Variants in ERCC6L2 observed in about 807,000 individuals in gnomAD.
ERCC6L2 encodes the protein ERCC excision repair 6 like 2.
Under a neutral mutation model 132.0 loss-of-function variants are expected in ERCC6L2, and 77 were observed. The ratio of observed to expected loss-of-function variants is 0.58; its 90% confidence interval spans 0.49 to 0.71. The LOEUF is 0.71. Among genes scored for constraint, ERCC6L2 ranks in the 30% least tolerant of loss-of-function variants. The pLI is 0.00. For missense variants in ERCC6L2, 1,542 were observed against 1,837.6 expected (o/e 0.84, Z 2.94); for synonymous variants, 583 against 632.4 (o/e 0.92, Z 1.17).
rs773483467 is a variant in ERCC6L2 at position 96,004,569 on chromosome 9, G to A, written c.3542G>A (p.Gly1181Asp). 7.6e-7 allele frequency: 1 copy of A among 1,310,172 alleles called. No individual in the cohort carries two copies. Among genetic ancestry groups the A allele is most frequent in the South Asian group, 1.2e-5 (1 of 81,270 alleles). The allele number at this position is 1,310,172 out of a possible 1,614,324, so 81.2% of individuals were successfully genotyped here. A position where few individuals can be genotyped will look rare whatever the true frequency, so the allele number is the denominator to read the frequency against. Residue 1181 changes from glycine to aspartate, a missense_variant, in exon 18 of 19, where the codon GGC becomes GAC. By Grantham distance (94) the Gly-to-Asp change is moderately conservative. Around this residue, in one of 4 missense-constraint regions of ERCC6L2, gnomAD observed 442 missense variants for 583.4 expected, o/e 0.76. Coordinates refer to ENST00000653738, the MANE Select transcript of ERCC6L2 (RefSeq NM_020207.7). ...DADTLPHTKK[G>D]QQPSEGSISL... Reference sequence around the variant, plus strand: ...GATACATTGCCACACACAAAGAAAGGCCAGCAACCGAGTGAAGGCAGCATT... The same window carrying A: ...GATACATTGCCACACACAAAGAAAGACCAGCAACCGAGTGAAGGCAGCATT...
At chr9:95,920,717 A>G (rs1160246775) in intron 6 of ERCC6L2, among the ~76,000 whole-genome samples, 1 of 152,338 alleles carries the variant, frequency 6.6e-6, no homozygotes, top group Non-Finnish European at 1.5e-5. Flanking sequence ...CAAAGAATAT[A>G]AGACAGTCAG....
rs192286402 is a variant in ERCC6L2 at position 95,966,943 on chromosome 9, C to A, written c.2100+229C>A. The A allele has an allele frequency of 2.2e-3, 746 of 333,656 alleles. 19 individuals are homozygous for A. The Admixed American group carries it at 0.032, about 14-fold the overall frequency. 20.7% of individuals were successfully genotyped at this position (333,656 alleles called of 1,614,324 possible). A position where few individuals can be genotyped will look rare whatever the true frequency, so the allele number is the denominator to read the frequency against. ...TAATGCACACACACAAATGTATATG[C>A]TGGGTAGTATGAACTCCAAGGCAAT... is the stretch of plus-strand genomic sequence containing the variant. On this transcript the variant is annotated intron_variant, in intron 14 of 18. Transcript: ENST00000653738.
At chr9:95,899,484 TA>T (rs1399751167) in intron 3 of ERCC6L2, among the ~76,000 whole-genome samples, 1 of 151,962 alleles carries the variant, frequency 6.6e-6, no homozygotes, top group Non-Finnish European at 1.5e-5. Context: ...AAAAGAAAGT[TA>T]ACAAAGATAC....
chr9:96,018,659 A>C (rs955548006), downstream of ERCC6L2, among the ~76,000 whole-genome samples: 4 of 149,554 alleles, frequency 2.7e-5, no homozygotes, highest in African/African-American at 9.9e-5. Context: ...TTTTAGAGAC[A>C]GGGTTTCGCC....
intron 11 of ERCC6L2, 151 bp downstream of exon 11, chr9:95,929,015 A>G (rs932991199): frequency 2.0e-6 from 1 of 508,002 alleles, no homozygotes; most frequent in African/African-American, 2.0e-5. Flanking sequence ...CAATGTCTTA[A>G]GTTTTAGCTA....
intron 17 of ERCC6L2, among the ~76,000 whole-genome samples, chr9:96,001,641 G>C (rs1209854803): frequency 6.6e-6 from 1 of 152,254 alleles, no homozygotes; most frequent in Non-Finnish European, 1.5e-5. Context: ...AGACTCAGGA[G>C]CCCAGCTGGC....
intron 12 of ERCC6L2, among the ~76,000 whole-genome samples, chr9:95,951,325 A>G (rs1220763215): frequency 6.6e-6 from 1 of 152,216 alleles, no homozygotes. Flanking sequence ...TAAGAGGGAA[A>G]TTTATAGCTG....
chr9:96,033,112 G>A (rs536658612), intron 19 of ERCC6L2, among the ~76,000 whole-genome samples: 21 of 152,284 alleles, frequency 1.4e-4, no homozygotes, highest in Admixed American at 6.5e-4. Context: ...ATTTGTTTGT[G>A]TAAACCTGCC....
chr9:95,947,624 G>A (rs1831124416), intron 12 of ERCC6L2, among the ~76,000 whole-genome samples: 1 of 152,202 alleles, frequency 6.6e-6, no homozygotes, highest in Non-Finnish European at 1.5e-5. Flanking sequence ...GAGGACTGTA[G>A]TCAATAAAGA....
intron 11 of ERCC6L2, among the ~76,000 whole-genome samples, chr9:95,929,952 C>G (rs1250472598): frequency 6.6e-6 from 1 of 152,148 alleles, no homozygotes; most frequent in Non-Finnish European, 1.5e-5. Flanking sequence ...CATAAAGTTC[C>G]TAATTACCCC....
intron 20 of ERCC6L2, among the ~76,000 whole-genome samples, chr9:96,040,364 T>TTGGC (rs1272733026): frequency 6.6e-6 from 1 of 152,174 alleles, no homozygotes. Context: ...GTCTAGCTTG[T>TTGGC]TGGCTAGATC....
intron 19 of ERCC6L2, among the ~76,000 whole-genome samples, chr9:96,035,140 C>T (rs1453252231): frequency 6.6e-6 from 1 of 152,218 alleles, no homozygotes; most frequent in African/African-American, 2.4e-5. Context: ...TCTCTCCTCT[C>T]CCAACACCTG....
At chr9:95,880,462 T>C (rs1827529493) in intron 1 of ERCC6L2, among the ~76,000 whole-genome samples, 2 of 152,192 alleles carry the variant, frequency 1.3e-5, no homozygotes, top group African/African-American at 4.8e-5. Flanking sequence ...AAGAATATTT[T>C]AGTCAGTGGC....
intron 12 of ERCC6L2, among the ~76,000 whole-genome samples, chr9:95,951,212 C>T (rs914128121): frequency 6.6e-6 from 1 of 152,054 alleles, no homozygotes; most frequent in Non-Finnish European, 1.5e-5. Context: ...ACAACACACA[C>T]TTAACAAAAG....
intron 12 of ERCC6L2, among the ~76,000 whole-genome samples, chr9:95,949,384 G>C (rs1831220825): frequency 6.6e-6 from 1 of 152,114 alleles, no homozygotes; most frequent in Admixed American, 6.5e-5. Context: ...TAAACCCAGT[G>C]AGATCCACAC....
rs979682964 is a variant in ERCC6L2, at chr9:96,016,994, C to T, written c.*3791C>T. ...AGTGGATCTAGGATCTAGGCCTCAC[C>T]GAGGATGTCACTGAACCTGTCAGCC... On this transcript the variant is annotated 3_prime_UTR_variant, in exon 19 of 19. Transcript: ENST00000653738. 1.1e-4 allele frequency among the ~76,000 whole-genome samples: 17 copies of T among 152,128 alleles called. No individual in the cohort carries two copies. Among genetic ancestry groups the T allele is most frequent in the African/African-American group, 3.1e-4 (13 of 41,408 alleles).
chr9:95,946,927 T>C (rs1477191763), intron 12 of ERCC6L2, among the ~76,000 whole-genome samples: 1 of 152,186 alleles, frequency 6.6e-6, no homozygotes, highest in Non-Finnish European at 1.5e-5. Context: ...TAGATGTGTG[T>C]GTTCTGACTG....
At chr9:95,891,681 A>C (rs981716830) in intron 2 of ERCC6L2, among the ~76,000 whole-genome samples, 7 of 151,572 alleles carry the variant, frequency 4.6e-5, no homozygotes, top group African/African-American at 1.7e-4. Flanking sequence ...CAGGTTTCCT[A>C]TGCCTCCACA....
At position 95,916,386 on chromosome 9, in the gene ERCC6L2, G is replaced by A; in HGVS notation, c.1110G>A (p.Arg370=). 6.2e-7 allele frequency: 1 copy of A among 1,608,502 alleles called. No individual in the cohort carries two copies. The highest frequency in any genetic ancestry group is 8.5e-7 in the Non-Finnish European group (1 of 1,178,438). ...LAKKMSGWFL[R]RTKTLIKDQL... ...AAAAGATGTCTGGCTGGTTTCTCAGGCGCACCAAGACTCTTATCAAGGATC... is the reference window on the plus strand; with the variant it reads ...AAAAGATGTCTGGCTGGTTTCTCAGACGCACCAAGACTCTTATCAAGGATC... The change falls in exon 6 of 19, where the codon AGG becomes AGA. Residue 370 remains arginine, a synonymous_variant. Transcript: ENST00000653738.
Sources: gnomAD v4.1 joint callset for allele counts (sites outside exome capture counted in the v4.1 genomes callset) on GRCh38, gnomAD v4.1.1 for gene constraint, gnomAD v4.1.1 regional missense constraint, MANE v1.5 for transcripts, NCBI Gene and HGNC (gene_info 2026-07-23, HGNC 2026-07-21) for gene names.